Variants in GBP2 observed in about 807,000 individuals in gnomAD.
GBP2 encodes guanylate binding protein 2, also known as guanylate-binding protein 2.
Under a neutral mutation model 60.8 loss-of-function variants are expected in GBP2, and 54 were observed. The observed-to-expected ratio is 0.89, with a 90% confidence interval of 0.71 to 1.11. The LOEUF (loss-of-function observed/expected upper bound fraction) is 1.11, where lower values mean the gene tolerates loss of function less well. Among genes scored for constraint, GBP2 ranks in the 50% most tolerant of loss-of-function variants. GBP2 has a pLI of 0.00. For synonymous variants in GBP2, 243 were observed against 256.5 expected (o/e 0.95, Z 0.50); for missense variants, 665 against 703.3 (o/e 0.95, Z 0.62).
chr1:89,119,382 G>A (rs1186458145), intron 4 of GBP2: 1 of 152,186 alleles, frequency 6.6e-6, no homozygotes, highest in Non-Finnish European at 1.5e-5. Flanking sequence ...TATAATGCTT[G>A]AAACTAAGCT....
At position 89,121,853 on chromosome 1, in the gene GBP2, C is replaced by A; in HGVS notation, c.114G>T (p.Val38=). Reference sequence around the variant, plus strand: ...AGAGGCCCACAATCGCCACCACCACCACAGGCTGCGTAATTGCAGATAGGA... The same window carrying A: ...AGAGGCCCACAATCGCCACCACCACAACAGGCTGCGTAATTGCAGATAGGA... ...LKILSAITQP[V]VVVAIVGLYR... The change falls in exon 2 of 11, where the codon GTG becomes GTT. Residue 38 remains valine (V), a synonymous_variant. Coordinates refer to ENST00000370466, the MANE Select transcript of GBP2 (RefSeq NM_004120.5). 1 of 1,614,116 alleles carries A rather than the reference C, an allele frequency of 6.2e-7. No individual in the cohort carries two copies. Among genetic ancestry groups the A allele is most frequent in the Non-Finnish European group, 8.5e-7 (1 of 1,179,992 alleles).
In GBP2 at chr1:89,117,686, A is replaced by G; in HGVS notation, c.516T>C (p.Phe172=). ...TGAGAGTCCACACAAATGCTGGAAAAAAGCTCACAAAGTCAGCTGAGTCGT... is the reference window on the plus strand; with the variant it reads ...TGAGAGTCCACACAAATGCTGGAAAGAAGCTCACAAAGTCAGCTGAGTCGT... The part of the protein sequence containing the change: ...SVDDSADFVS[F]FPAFVWTLRD... Residue 172 remains phenylalanine, a synonymous_variant, in exon 5 of 11, where the codon TTT becomes TTC. Coordinates refer to ENST00000370466, the MANE Select transcript of GBP2 (RefSeq NM_004120.5). 1 of 1,614,108 alleles carries G rather than the reference A, an allele frequency of 6.2e-7. No homozygotes were observed. Among genetic ancestry groups the G allele is most frequent in the Non-Finnish European group, 8.5e-7 (1 of 1,179,980 alleles).
intron 7 of GBP2, chr1:89,113,175 G>A (rs1681198631): frequency 6.4e-6 from 1 of 157,348 alleles, no homozygotes; most frequent in African/African-American, 2.4e-5. Context: ...TAAGCCCGGG[G>A]ACTTTTTAGA....
In GBP2 at chr1:89,108,248, T is replaced by C. The variant is rs1385622315; in HGVS notation, c.1703A>G (p.Lys568Arg). 1 of 1,613,674 alleles carries C rather than the reference T, an allele frequency of 6.2e-7. No individual in the cohort carries two copies. Among genetic ancestry groups the C allele is most frequent in the Non-Finnish European group, 8.5e-7 (1 of 1,179,694 alleles). ...LLKEGFENESKRLQKDIWDIQ... is the reference protein window; with the variant it reads ...LLKEGFENESRRLQKDIWDIQ... ...ATCCCATATGTCTTTTTGAAGTCTC[T>C]TGCTCTCATTCTCGAATCCCTCCTT... is the stretch of plus-strand genomic sequence containing the variant. Residue 568 changes from lysine to arginine, a missense_variant, in exon 11 of 11, where the codon AAG (lysine) becomes AGG (arginine). By Grantham distance (26) the Lys-to-Arg change is conservative. Coordinates refer to ENST00000370466, the MANE Select transcript of GBP2 (RefSeq NM_004120.5).
At chr1:89,121,337 A>C (rs1681393270) in intron 2 of GBP2, 67 bp from the exon 3 acceptor site, 1 of 1,376,420 alleles carries the variant, frequency 7.3e-7, no homozygotes, top group Non-Finnish European at 9.8e-7. Flanking sequence ...TTGAGATAAA[A>C]GTTAACATAA....
At chr1:89,113,540 T>C (rs899618146) in intron 7 of GBP2, among the ~76,000 whole-genome samples, 2 of 152,230 alleles carry the variant, frequency 1.3e-5, no homozygotes, top group African/African-American at 4.8e-5. Context: ...AAAAATACTT[T>C]GTTCACTTGG....
chr1:89,118,714 A>T (rs1681333532), intron 4 of GBP2: 1 of 152,154 alleles, frequency 6.6e-6, no homozygotes, highest in Admixed American at 6.6e-5. Context: ...TAGTCTAGAG[A>T]AATAACTTTG....
chr1:89,110,558 T>C (rs1042818819), intron 8 of GBP2, among the ~76,000 whole-genome samples: 1 of 152,148 alleles, frequency 6.6e-6, no homozygotes, highest in African/African-American at 2.4e-5. Context: ...GACAATGGCA[T>C]CCATAGCAAC....
rs1427613607 is a variant in GBP2 at position 89,109,726 on chromosome 1, C to G, written c.1610G>C (p.Arg537Thr). ...KQLTEKMERDRAQLMAEQEKT... is the reference protein window; with the variant it reads ...KQLTEKMERDTAQLMAEQEKT... ...CTCTTGCTCTGCCATTAACTGGGCC[C>G]TGTCCCTCTCCATCTTCTCAGTCAA... Residue 537 changes from arginine to threonine, a missense_variant, in exon 10 of 11, where the codon AGG becomes ACG. Transcript: ENST00000370466. 1 of 1,614,160 alleles carries G rather than the reference C, an allele frequency of 6.2e-7. No homozygotes were observed. Among genetic ancestry groups the G allele is most frequent in the Non-Finnish European group, 8.5e-7 (1 of 1,180,010 alleles).
intron 6 of GBP2, among the ~76,000 whole-genome samples, chr1:89,114,515 A>G (rs1365135047): frequency 6.6e-6 from 1 of 152,146 alleles, no homozygotes; most frequent in Admixed American, 6.5e-5. Flanking sequence ...ATAGGTTAGG[A>G]TATTTTGGGG....
intron 8 of GBP2, among the ~76,000 whole-genome samples, chr1:89,110,478 T>C (rs1183288183): frequency 6.6e-6 from 1 of 152,132 alleles, no homozygotes; most frequent in Non-Finnish European, 1.5e-5. Context: ...AATTGTTTCA[T>C]ATATATGTAA....
intron 7 of GBP2, 139 bp downstream of exon 7, chr1:89,113,877 T>C: frequency 8.8e-7 from 1 of 1,142,326 alleles, no homozygotes; most frequent in Non-Finnish European, 1.2e-6. Flanking sequence ...TCTAAGGCTA[T>C]GCACATTCTA....
intron 2 of GBP2, among the ~76,000 whole-genome samples, 198 bp downstream of exon 2, chr1:89,121,579 C>A (rs572094511): frequency 5.3e-5 from 8 of 152,118 alleles, no homozygotes; most frequent in Non-Finnish European, 1.0e-4. Flanking sequence ...CACATTTATA[C>A]CCTTAGTATA....
chr1:89,124,730 C>G (rs546304690), intron 1 of GBP2, among the ~76,000 whole-genome samples: 1 of 152,324 alleles, frequency 6.6e-6, no homozygotes, highest in East Asian at 1.9e-4. Flanking sequence ...TTAATATTTG[C>G]TGTGAATCAG....
Position 89,121,904 on chromosome 1 carries a change from C to G in GBP2, c.63G>C (p.Leu21=). The G allele has an allele frequency of 6.2e-7, 1 of 1,614,104 alleles. No homozygotes were observed. The highest frequency in any genetic ancestry group is 1.1e-5 in the South Asian group (1 of 91,078). The part of the protein sequence containing the change: ...MSLIDNTKGQ[L]VVNPEALKIL... ...TCTTCAGAGCTTCTGGATTCACCACCAGCTGCCCTTTAGTGTTATCAATGA... is the reference window on the plus strand; with the variant it reads ...TCTTCAGAGCTTCTGGATTCACCACGAGCTGCCCTTTAGTGTTATCAATGA... The change falls in exon 2 of 11, where the codon CTG becomes CTC. Residue 21 remains leucine, a synonymous_variant. Coordinates refer to ENST00000370466, the MANE Select transcript of GBP2 (RefSeq NM_004120.5).
In GBP2 at chr1:89,112,704, C is replaced by T. The variant is rs753315934; in HGVS notation, c.1150-20G>A. Reference sequence around the variant, plus strand: ...CTGGGCCTGTGAAGTGACAAAACAGCACAGATGTTTCAGTAAAGCCATGAG... The same window carrying T: ...CTGGGCCTGTGAAGTGACAAAACAGTACAGATGTTTCAGTAAAGCCATGAG... On this transcript the variant is annotated intron_variant, in intron 7 of 10. Transcript: ENST00000370466. 5 of 1,585,154 alleles carry T rather than the reference C, an allele frequency of 3.2e-6. No homozygotes were observed. The highest frequency in any genetic ancestry group is 4.3e-6 in the Non-Finnish European group (5 of 1,153,626).
chr1:89,121,083 C>G, intron 3 of GBP2, 60 bp downstream of exon 3: 2 of 1,401,484 alleles, frequency 1.4e-6, no homozygotes, highest in Non-Finnish European at 1.0e-6. Flanking sequence ...TCGATCTGAC[C>G]TGGTTTATGT....
intron 7 of GBP2, among the ~76,000 whole-genome samples, chr1:89,113,404 G>A (rs1313215795): frequency 6.6e-6 from 1 of 152,186 alleles, no homozygotes; most frequent in Non-Finnish European, 1.5e-5. Context: ...TTGGAAGGGT[G>A]ACAATTGCTG....
Position 89,122,023 on chromosome 1 carries a change from T to C in GBP2, c.-17-40A>G. On this transcript the variant is annotated intron_variant, in intron 1 of 10. Coordinates refer to ENST00000370466, the MANE Select transcript of GBP2 (RefSeq NM_004120.5). ...AAAAGATGAAATGGAAAGCAGTTTT[T>C]AGGTAGTTAGCTATGCTGAACTTTA... 4.0e-6 allele frequency: 6 copies of C among 1,485,052 alleles called. No homozygotes were observed. In the South Asian group the frequency reaches 7.9e-5, roughly 20 times the overall value. 92.0% of individuals were successfully genotyped at this position (1,485,052 alleles called of 1,614,324 possible). A position where few individuals can be genotyped will look rare whatever the true frequency, so the allele number is the denominator to read the frequency against.
Sources: gnomAD v4.1 joint callset for allele counts (sites outside exome capture counted in the v4.1 genomes callset) on GRCh38, gnomAD v4.1.1 for gene constraint, MANE v1.5 for transcripts, NCBI Gene and HGNC (gene_info 2026-07-23, HGNC 2026-07-21) for gene names.